The following PDE3A variants were observed in gnomAD, a reference collection of about 807,000 sequenced individuals.
PDE3A encodes the protein phosphodiesterase 3A, also known as cGMP-inhibited 3',5'-cyclic phosphodiesterase 3A.
PDE3A carries 43 observed loss-of-function variants against 98.3 expected under a neutral mutation model. The ratio of observed to expected loss-of-function variants is 0.44; its 90% CI spans 0.34 to 0.56. PDE3A has a LOEUF of 0.56. PDE3A is among the 20% of genes least tolerant of loss of function. The pLI, the probability that PDE3A is intolerant of heterozygous loss-of-function variation, is 0.01. For synonymous variants in PDE3A, 663 were observed against 567.9 expected, an observed-to-expected ratio of 1.17 and a Z score of -2.38; for missense variants, 1,427 against 1,440.7, an observed-to-expected ratio of 0.99 and a Z score of 0.15.
chr12:20,369,614 C>A lies in PDE3A; in HGVS notation c.330C>A (p.Gly110=), dbSNP rs376568688. ...AAGCAGCCCCGGGAGCAGAAGGGGG[C>A]GTCTTCCCGGGGCCTCGGGGAGGTG... ...EEEAAPGAEG[G]VFPGPRGGAP... The change falls in exon 1 of 16, where the codon GGC becomes GGA. Residue 110 remains glycine (G), a synonymous_variant. Coordinates refer to ENST00000359062, the MANE Select transcript of PDE3A (RefSeq NM_000921.5). 1.5e-4 allele frequency: 232 copies of A among 1,574,440 alleles called. No individual in the cohort carries two copies. Among genetic ancestry groups the A allele is most frequent in the Non-Finnish European group, 1.9e-4 (224 of 1,160,780 alleles).
chr12:20,525,056 C>T (rs775552475), intron 1 of PDE3A, among the ~76,000 whole-genome samples: 11 of 152,096 alleles, frequency 7.2e-5, no homozygotes, highest in Admixed American at 2.0e-4. Flanking sequence ...CGCTTGAACC[C>T]AGGAGGCGGA....
At chr12:20,657,365 A>T (rs1160073591) in intron 15 of PDE3A, among the ~76,000 whole-genome samples, 1 of 152,186 alleles carries the variant, frequency 6.6e-6, no homozygotes, top group African/African-American at 2.4e-5. Context: ...TAATATCAGA[A>T]TTCATACTGG....
intron 1 of PDE3A, among the ~76,000 whole-genome samples, chr12:20,388,674 T>C (rs1302259604): frequency 6.6e-6 from 1 of 151,986 alleles, no homozygotes. Flanking sequence ...AATGAGCATG[T>C]TTTCTAAAAA....
Position 20,386,208 on chromosome 12 carries a change from TATATAAATATATA to T in PDE3A, c.960+15966_960+15978del, listed in dbSNP as rs1485098590. 2.0e-3 allele frequency among the ~76,000 whole-genome samples: 123 copies of T among 60,054 alleles called. 6 individuals are homozygous for T. The highest frequency in any genetic ancestry group is 6.5e-3 in the African/African-American group (102 of 15,776). 39.4% of individuals were successfully genotyped at this position (60,054 alleles called of 152,430 possible). On this transcript the variant is annotated intron_variant, in intron 1 of 15. Transcript: ENST00000359062. The stretch of plus-strand genomic sequence containing the variant: ...AAATATATATAAATATATAAAAATA[TATATAAATATATA>T]AAAAATAAAAATATAAATATAAATA...
intron 1 of PDE3A, among the ~76,000 whole-genome samples, chr12:20,421,620 C>T (rs1040184438): frequency 6.6e-6 from 1 of 151,000 alleles, no homozygotes; most frequent in Non-Finnish European, 1.5e-5. Flanking sequence ...AAAAAACCAC[C>T]CATGCTCACT....
intron 1 of PDE3A, among the ~76,000 whole-genome samples, chr12:20,445,369 T>C (rs973802860): frequency 3.3e-5 from 5 of 152,190 alleles, no homozygotes; most frequent in Admixed American, 1.3e-4. Context: ...TGTGTAAATC[T>C]CATTTTCCCC....
intron 1 of PDE3A, among the ~76,000 whole-genome samples, chr12:20,535,484 G>T (rs955236785): frequency 6.6e-5 from 10 of 152,146 alleles, no homozygotes; most frequent in Non-Finnish European, 1.5e-4. Flanking sequence ...CGGAGTAAAA[G>T]CACTCTATGT....
At chr12:20,438,561 T>G (rs1944816179) in intron 1 of PDE3A, among the ~76,000 whole-genome samples, 1 of 152,184 alleles carries the variant, frequency 6.6e-6, no homozygotes, top group African/African-American at 2.4e-5. Flanking sequence ...GCACATACTG[T>G]GAAGTAGAAA....
At chr12:20,409,496 A>T (rs1456511535) in intron 1 of PDE3A, among the ~76,000 whole-genome samples, 1 of 152,196 alleles carries the variant, frequency 6.6e-6, no homozygotes, top group Non-Finnish European at 1.5e-5. Flanking sequence ...TTCTTTCAGA[A>T]ATGATCAAAA....
intron 10 of PDE3A, among the ~76,000 whole-genome samples, chr12:20,643,732 C>A (rs1225151428): frequency 6.6e-6 from 1 of 152,104 alleles, no homozygotes; most frequent in Admixed American, 6.6e-5. Context: ...GTACCAGCCT[C>A]ATAAAATGAG....
At chr12:20,444,527 C>G (rs1358636663) in intron 1 of PDE3A, among the ~76,000 whole-genome samples, 2 of 152,196 alleles carry the variant, frequency 1.3e-5, no homozygotes, top group Admixed American at 1.3e-4. Flanking sequence ...AATTCACTGA[C>G]TTTCTGTCAG....
At chr12:20,571,580 T>C (rs1942802814) in intron 2 of PDE3A, among the ~76,000 whole-genome samples, 1 of 152,198 alleles carries the variant, frequency 6.6e-6, no homozygotes, top group African/African-American at 2.4e-5. Context: ...CCTGTTTTTT[T>C]CTGACTCCTA....
At position 20,626,931 on chromosome 12, in the gene PDE3A, T is replaced by C. The variant is rs984882160; in HGVS notation, c.1541-2977T>C. On this transcript the variant is annotated intron_variant, in intron 5 of 15. Transcript: ENST00000359062. ...CTTAAAATCTGCTTGTTTGTTTAAA[T>C]TTAGTTAATCCGTGAGTTCCAAGAA... Among the ~76,000 whole-genome samples the C allele has an allele frequency of 2.0e-5, 3 of 152,142 alleles. No individual in the cohort carries two copies. In the East Asian group the frequency reaches 5.8e-4, roughly 29 times the overall value.
chr12:20,488,887 A>G (rs1945778395), intron 1 of PDE3A, among the ~76,000 whole-genome samples: 1 of 151,884 alleles, frequency 6.6e-6, no homozygotes, highest in Non-Finnish European at 1.5e-5. Context: ...TCCAAAAAAA[A>G]AAAAAAAAGA....
chr12:20,627,946 A>C (rs1401733048), intron 5 of PDE3A, among the ~76,000 whole-genome samples: 1 of 152,200 alleles, frequency 6.6e-6, no homozygotes, highest in African/African-American at 2.4e-5. Flanking sequence ...AAATCCAAAA[A>C]GTGGTCAAAA....
rs1491320864 is a variant in PDE3A at position 20,545,786 on chromosome 12, A to AC, written c.961-10874_961-10873insC. Among the ~76,000 whole-genome samples the AC allele has an allele frequency of 4.4e-3, 654 of 149,356 alleles. 3 individuals carry two copies. The highest frequency in any genetic ancestry group is 1.0e-2 in the African/African-American group (408 of 40,942). On this transcript the variant is annotated intron_variant, in intron 1 of 15. Transcript: ENST00000359062. The stretch of plus-strand genomic sequence containing the variant: ...AAGAGGTAGTGGCTGCCAAAAAAAA[A>AC]AAAACAAAACAAAACAAAACAAAAA...
chr12:20,388,463 C>T (rs1943853164), intron 1 of PDE3A, among the ~76,000 whole-genome samples: 1 of 151,916 alleles, frequency 6.6e-6, no homozygotes, highest in Non-Finnish European at 1.5e-5. Flanking sequence ...TTTTTGGTGT[C>T]TTTTTGTTTT....
At chr12:20,491,204 A>G (rs551857113) in intron 1 of PDE3A, among the ~76,000 whole-genome samples, 58 of 152,370 alleles carry the variant, frequency 3.8e-4, no homozygotes, top group African/African-American at 1.3e-3. Flanking sequence ...CACAAAACCA[A>G]TACCCAAACC....
At chr12:20,593,311 C>T (rs998246779) in intron 2 of PDE3A, among the ~76,000 whole-genome samples, 4 of 152,060 alleles carry the variant, frequency 2.6e-5, no homozygotes, top group African/African-American at 9.7e-5. Context: ...GGAGATGTAA[C>T]TGGAAAAGGG....
Sources: allele counts gnomAD v4.1 joint callset (sites outside exome capture counted in the v4.1 genomes callset), GRCh38; gene constraint gnomAD v4.1.1; transcripts MANE v1.5; gene names NCBI Gene and HGNC (gene_info 2026-07-23, HGNC 2026-07-21).